Variants in SMC5 observed in about 807,000 individuals in gnomAD.
The protein encoded by SMC5 is structural maintenance of chromosomes 5, also known as structural maintenance of chromosomes protein 5.
Under a neutral mutation model 148.3 loss-of-function variants are expected in SMC5, and 88 were observed. That is an observed-to-expected ratio of 0.59 (90% CI 0.50 to 0.71). SMC5 has a LOEUF of 0.71. Ranked by LOEUF, SMC5 falls within the 30% of genes least tolerant of loss-of-function variation. SMC5 has a pLI of 0.00. For synonymous variants in SMC5, 421 were observed against 432.8 expected (o/e 0.97, Z 0.34); for missense variants, 1,142 against 1,298.9 (o/e 0.88, Z 1.86).
chr9:70,354,118 T>C lies in SMC5; in HGVS notation c.*1787T>C, dbSNP rs1036133675. 3.9e-5 allele frequency: 6 copies of C among 152,248 alleles called. No homozygotes were observed. The highest frequency in any genetic ancestry group is 1.4e-4 in the African/African-American group (6 of 41,460). 9.4% of individuals were successfully genotyped at this position (152,248 alleles called of 1,614,324 possible). A position where few individuals can be genotyped will look rare whatever the true frequency, so the allele number is the denominator to read the frequency against. ...GACAAAATTAATATTTGGCTTTACA[T>C]TGAATTTTGAGCTGTGAAGAATAAA... On this transcript the variant is annotated 3_prime_UTR_variant, in exon 25 of 25. Coordinates refer to ENST00000361138, the MANE Select transcript of SMC5 (RefSeq NM_015110.4).
At chr9:70,322,339 CGTAAA>C (rs1208169912) in intron 15 of SMC5, among the ~76,000 whole-genome samples, 2 of 152,142 alleles carry the variant, frequency 1.3e-5, no homozygotes, top group Non-Finnish European at 2.9e-5. Flanking sequence ...ACTTTCTCCT[CGTAAA>C]GTAATGTTGA....
intron 11 of SMC5, among the ~76,000 whole-genome samples, chr9:70,313,143 A>C (rs1265255018): frequency 1.3e-5 from 2 of 152,158 alleles, no homozygotes; most frequent in African/African-American, 4.8e-5. Flanking sequence ...AAATTTTTCC[A>C]ATTCATCTAA....
chr9:70,308,124 A>G (rs2035555189), intron 11 of SMC5, among the ~76,000 whole-genome samples: 1 of 152,164 alleles, frequency 6.6e-6, no homozygotes. Flanking sequence ...TCTAGAGACC[A>G]GATAATATGT....
chr9:70,260,144 G>A (rs769749504), intron 1 of SMC5, among the ~76,000 whole-genome samples: 1 of 150,934 alleles, frequency 6.6e-6, no homozygotes, highest in Non-Finnish European at 1.5e-5. Flanking sequence ...TCATACTGTC[G>A]TCCGGGCTGG....
At chr9:70,294,660 C>T (rs1185798988) in intron 8 of SMC5, among the ~76,000 whole-genome samples, 2 of 152,134 alleles carry the variant, frequency 1.3e-5, no homozygotes, top group African/African-American at 4.8e-5. Flanking sequence ...TATGGAAATA[C>T]ATTTTTCAGA....
At chr9:70,324,506 A>G (rs1335729238) in intron 17 of SMC5, among the ~76,000 whole-genome samples, 1 of 152,156 alleles carries the variant, frequency 6.6e-6, no homozygotes, top group Non-Finnish European at 1.5e-5. Context: ...AACAGAAGAG[A>G]AGCTAGAATA....
intron 8 of SMC5, among the ~76,000 whole-genome samples, chr9:70,290,874 G>C (rs918674434): frequency 6.6e-6 from 1 of 152,264 alleles, no homozygotes; most frequent in South Asian, 2.1e-4. Context: ...AACAGAAAAA[G>C]GGTTAAAGCC....
At chr9:70,309,094 G>C (rs1450655446) in intron 11 of SMC5, among the ~76,000 whole-genome samples, 2 of 152,084 alleles carry the variant, frequency 1.3e-5, no homozygotes, top group Non-Finnish European at 2.9e-5. Context: ...AATCATGTGA[G>C]CCTTCAGTGA....
intron 1 of SMC5, among the ~76,000 whole-genome samples, chr9:70,259,790 C>T (rs925222434): frequency 6.6e-6 from 1 of 152,134 alleles, no homozygotes; most frequent in Non-Finnish European, 1.5e-5. Context: ...CCTACAAACC[C>T]TTGACCCCAC....
chr9:70,282,443 G>A lies in SMC5; in HGVS notation c.841G>A (p.Glu281Lys). 6.3e-7 allele frequency: 1 copy of A among 1,596,384 alleles called. No homozygotes were observed. Among genetic ancestry groups the A allele is most frequent in the East Asian group, 2.3e-5 (1 of 44,126 alleles). The change falls in exon 7 of 25, where the codon GAA (glutamate) becomes AAA (lysine). Residue 281 changes from glutamate (E) to lysine (K), a missense_variant. Physicochemically the swap from Glu to Lys is moderately conservative, Grantham distance 56 (BLOSUM62 1). Coordinates refer to ENST00000361138, the MANE Select transcript of SMC5 (RefSeq NM_015110.4). ...CAAGGAATATGAAAATGTTCGTCAG[G>A]AATATGAAGAAGTAAAACTAGTTCG... is the stretch of plus-strand genomic sequence containing the variant. ...PWVEYENVRQ[E>K]YEEVKLVRDR...
At chr9:70,314,972 A>G in intron 12 of SMC5, 136 bp downstream of exon 12, 1 of 527,544 alleles carries the variant, frequency 1.9e-6, no homozygotes, top group Non-Finnish European at 3.3e-6. Flanking sequence ...ATTTAGGCAC[A>G]GGACCATGAT....
intron 6 of SMC5, 94 bp downstream of exon 6, chr9:70,280,993 G>A: frequency 7.1e-7 from 1 of 1,400,630 alleles, no homozygotes; most frequent in South Asian, 1.3e-5. Flanking sequence ...CAAGTTAGGT[G>A]CTTCTTTTTC....
chr9:70,271,921 A>C (rs2034461440), intron 3 of SMC5, among the ~76,000 whole-genome samples: 1 of 152,242 alleles, frequency 6.6e-6, no homozygotes, highest in Non-Finnish European at 1.5e-5. Flanking sequence ...GCCTGTATTC[A>C]TTGTAAGGAG....
Position 70,318,610 on chromosome 9 carries a change from A to T in SMC5, c.1903A>T (p.Thr635Ser). The change falls in exon 14 of 25, where the codon ACA becomes TCA. Residue 635 changes from threonine to serine, a missense_variant. Thr to Ser is a moderately conservative substitution (Grantham distance 58). Coordinates refer to ENST00000361138, the MANE Select transcript of SMC5 (RefSeq NM_015110.4). Reference sequence around the variant, plus strand: ...TTCAAACAAAGTTATTTCTAGTAACACATCTCTAAAAGTAGCGCAGTTTCT... The same window carrying T: ...TTCAAACAAAGTTATTTCTAGTAACTCATCTCTAAAAGTAGCGCAGTTTCT... ...FYSNKVISSN[T>S]SLKVAQFLTV... 1.2e-6 allele frequency: 2 copies of T among 1,613,054 alleles called. No homozygotes were observed. The highest frequency in any genetic ancestry group is 1.7e-6 in the Non-Finnish European group (2 of 1,179,412).
chr9:70,319,516 A>G (rs1448613400), intron 15 of SMC5, among the ~76,000 whole-genome samples: 3 of 152,132 alleles, frequency 2.0e-5, no homozygotes, highest in Non-Finnish European at 4.4e-5. Context: ...GTTTGAGTTG[A>G]AGTATATGAA....
At chr9:70,319,816 G>A (rs767272803) in intron 15 of SMC5, among the ~76,000 whole-genome samples, 12 of 152,078 alleles carry the variant, frequency 7.9e-5, no homozygotes, top group Non-Finnish European at 1.3e-4. Context: ...TATTTCAAAC[G>A]TTGACATATT....
intron 8 of SMC5, among the ~76,000 whole-genome samples, chr9:70,288,505 C>G (rs962289616): frequency 2.0e-5 from 3 of 151,566 alleles, no homozygotes; most frequent in Non-Finnish European, 4.4e-5. Context: ...ATTCATTTTT[C>G]TGCTTTGAGT....
intron 22 of SMC5, among the ~76,000 whole-genome samples, chr9:70,348,812 G>A (rs2036732180): frequency 6.6e-6 from 1 of 152,064 alleles, no homozygotes; most frequent in Non-Finnish European, 1.5e-5. Context: ...CTTTAAGACA[G>A]GCAAAGGCCA....
chr9:70,309,318 C>CTTTTT (rs59694037), intron 11 of SMC5, among the ~76,000 whole-genome samples: 8,146 of 77,978 alleles, frequency 0.1, 1,087 homozygotes, highest in Non-Finnish European at 0.14. Context: ...TTTCCTTTTC[C>CTTTTT]TTTTTTTTTT....
Sources: allele counts gnomAD v4.1 joint callset (sites outside exome capture counted in the v4.1 genomes callset), GRCh38; gene constraint gnomAD v4.1.1; transcripts MANE v1.5; gene names NCBI Gene and HGNC (gene_info 2026-07-23, HGNC 2026-07-21).